The following DRC1 variants were observed in gnomAD, a reference collection of about 807,000 sequenced individuals.
The protein encoded by DRC1 is dynein regulatory complex subunit 1.
Under a neutral mutation model 98.7 loss-of-function variants are expected in DRC1, and 74 were observed. The ratio of observed to expected loss-of-function variants is 0.75; its 90% CI spans 0.62 to 0.91. The LOEUF is 0.91. DRC1 is among the 40% of genes least tolerant of loss of function. DRC1 has a pLI of 0.00. For missense variants in DRC1, 875 were observed against 886.0 expected (o/e 0.99, Z 0.16); for synonymous variants, 336 against 334.1 (o/e 1.01, Z -0.06).
rs749731853 is a variant in DRC1, at chr2:26,402,049, C to A, written c.60C>A (p.Thr20=). 3 of 1,613,304 alleles carry A rather than the reference C, an allele frequency of 1.9e-6. No individual in the cohort carries two copies. Among genetic ancestry groups the A allele is most frequent in the Non-Finnish European group, 2.5e-6 (3 of 1,179,806 alleles). Residue 20 remains threonine, a synonymous_variant, in exon 1 of 17, where the codon ACC becomes ACA. Coordinates refer to ENST00000288710, the MANE Select transcript of DRC1 (RefSeq NM_145038.5). ...LDPNVDEHLS[T]QILAPSVHSD... ...CGAACGTGGACGAGCACTTGTCCACCCAGATTCTCGCGCCCTCGGTCCACT... is the reference window on the plus strand; with the variant it reads ...CGAACGTGGACGAGCACTTGTCCACACAGATTCTCGCGCCCTCGGTCCACT...
Position 26,439,922 on chromosome 2 carries a change from A to AATATATATAT in DRC1, c.889-450_889-441dup, listed in dbSNP as rs60317791. Among the ~76,000 whole-genome samples the AATATATATAT allele has an allele frequency of 4.9e-3, 211 of 43,446 alleles. 32 individuals carry two copies. The highest frequency in any genetic ancestry group is 0.011 in the African/African-American group (140 of 13,110). The allele number at this position is 43,446 out of a possible 152,430, so 28.5% of individuals were successfully genotyped here. A position where few individuals can be genotyped will look rare whatever the true frequency, so the allele number is the denominator to read the frequency against. On this transcript the variant is annotated intron_variant, in intron 7 of 16. Transcript: ENST00000288710. Reference sequence around the variant, plus strand: ...ACAAGCTAGGGCCAACTAGTGTGTGAATATATATATATATACACACACACA... The same window carrying AATATATATAT: ...ACAAGCTAGGGCCAACTAGTGTGTGAATATATATATATATATATATATATACACACACACA...
At chr2:26,442,539 A>T (rs958865772) in intron 8 of DRC1, among the ~76,000 whole-genome samples, 13 of 152,294 alleles carry the variant, frequency 8.5e-5, no homozygotes, top group African/African-American at 3.1e-4. Flanking sequence ...AATCTAGAAA[A>T]TCCAGGCCTT....
rs544363279 is a variant in DRC1, at chr2:26,444,717, C to T, written c.1165C>T (p.His389Tyr). ...QFKELQKAMR[H>Y]FALIDDEKFW... is the part of the protein sequence containing the mutation. ...ATGCTCTGTGACTCTCCTTCACAGG[C>T]ATTTTGCTCTTATTGATGATGAGAA... is the stretch of plus-strand genomic sequence containing the variant. The change falls in exon 10 of 17, where the codon CAT (histidine) becomes TAT (tyrosine). Residue 389 changes from histidine (H) to tyrosine (Y), a missense_variant and splice_region_variant. By Grantham distance (83) the His-to-Tyr change is moderately conservative. Transcript: ENST00000288710. 1.2e-6 allele frequency: 2 copies of T among 1,613,998 alleles called. No homozygotes were observed. The highest frequency in any genetic ancestry group is 2.7e-5 in the African/African-American group (2 of 75,044).
intron 10 of DRC1, among the ~76,000 whole-genome samples, chr2:26,446,334 C>A (rs551899808): frequency 6.6e-6 from 1 of 151,738 alleles, no homozygotes; most frequent in Non-Finnish European, 1.5e-5. Context: ...TGGGCTCAAG[C>A]GATTCCTTCC....
intron 4 of DRC1, among the ~76,000 whole-genome samples, chr2:26,425,718 T>C (rs528659360): frequency 1.3e-5 from 2 of 152,240 alleles, no homozygotes; most frequent in Non-Finnish European, 2.9e-5. Context: ...TTGTATATCA[T>C]CTTTGGAGAA....
In DRC1 at chr2:26,421,362, T is replaced by C. The variant is rs752358195; in HGVS notation, c.318T>C (p.Ile106=). The C allele has an allele frequency of 1.2e-6, 2 of 1,613,586 alleles. No homozygotes were observed. The highest frequency in any genetic ancestry group is 4.5e-5 in the East Asian group (2 of 44,848). ...AGGTGGCTATAGATATCAGAGAGAT[T>C]CACAGGAGAGTCGAAGAAGAGGAGA... ...NIQVAIDIRE[I]HRRVEEEEIK... The change falls in exon 3 of 17, where the codon ATT becomes ATC. Residue 106 remains isoleucine, a synonymous_variant. Transcript: ENST00000288710.
At chr2:26,406,080 C>T (rs774622362) in intron 1 of DRC1, among the ~76,000 whole-genome samples, 3 of 152,126 alleles carry the variant, frequency 2.0e-5, no homozygotes, top group Non-Finnish European at 2.9e-5. Context: ...AGCCTGGAAG[C>T]TCCCTGAATT....
In DRC1 at chr2:26,456,528, CAAAGGCTGAT is replaced by C; in HGVS notation, c.*12_*21del. The C allele has an allele frequency of 6.2e-7, 1 of 1,614,100 alleles. No individual in the cohort carries two copies. Among genetic ancestry groups the C allele is most frequent in the South Asian group, 1.1e-5 (1 of 91,052 alleles). On this transcript the variant is annotated 3_prime_UTR_variant, in exon 17 of 17. Transcript: ENST00000288710. The stretch of plus-strand genomic sequence containing the variant: ...GTACCCACAAAATGAGCTGGACCGC[CAAAGGCTGAT>C]GTGTTAGGGCTGGCCTGATGCTGGT...
intron 1 of DRC1, among the ~76,000 whole-genome samples, chr2:26,403,554 G>A (rs1016151511): frequency 6.6e-6 from 1 of 152,082 alleles, no homozygotes; most frequent in African/African-American, 2.4e-5. Flanking sequence ...CAGCACTTTG[G>A]GAGGCCAAGG....
At chr2:26,452,837 A>G (rs896653825) in intron 13 of DRC1, among the ~76,000 whole-genome samples, 1 of 152,224 alleles carries the variant, frequency 6.6e-6, no homozygotes, top group African/African-American at 2.4e-5. Flanking sequence ...AAGGAGGAGT[A>G]TATATGGAAA....
At chr2:26,449,751 A>T (rs1663950561) in intron 11 of DRC1, among the ~76,000 whole-genome samples, 1 of 151,998 alleles carries the variant, frequency 6.6e-6, no homozygotes, top group Non-Finnish European at 1.5e-5. Flanking sequence ...GGGTGGGAAA[A>T]GCTAAGTCTG....
intron 8 of DRC1, among the ~76,000 whole-genome samples, chr2:26,443,596 C>T (rs1458671181): frequency 2.0e-5 from 3 of 152,304 alleles, no homozygotes; most frequent in Middle Eastern, 6.8e-3. Context: ...TTTGACTAGA[C>T]TGATAGTACC....
intron 2 of DRC1, among the ~76,000 whole-genome samples, chr2:26,415,935 CAAAAAAAAAAA>C (rs59566642): frequency 1.0e-5 from 1 of 98,384 alleles, no homozygotes; most frequent in Non-Finnish European, 2.2e-5. Context: ...CTTTCTCTTT[CAAAAAAAAAAA>C]AAAAAAAAAA....
chr2:26,431,736 T>C (rs1002591365), intron 6 of DRC1, 148 bp from the exon 7 acceptor site: 3 of 1,247,950 alleles, frequency 2.4e-6, no homozygotes, highest in East Asian at 2.4e-5. Flanking sequence ...AAGCCTTGGG[T>C]ATTCAGGACT....
Position 26,406,925 on chromosome 2 carries a change from C to T in DRC1, c.155+4781C>T, listed in dbSNP as rs1181226670. On this transcript the variant is annotated intron_variant, in intron 1 of 16. Transcript: ENST00000288710. ...TTCCACCAGCTAGACTCAAGTGATC[C>T]CCCCCACCCCAGCCTCTCGAGTAGC... 1.3e-5 allele frequency among the ~76,000 whole-genome samples: 2 copies of T among 148,762 alleles called. 1 individual carries two copies. The highest frequency in any genetic ancestry group is 3.9e-4 in the East Asian group (2 of 5,108).
At chr2:26,439,748 T>A (rs994567887) in intron 7 of DRC1, among the ~76,000 whole-genome samples, 2 of 151,466 alleles carry the variant, frequency 1.3e-5, no homozygotes, top group Non-Finnish European at 2.9e-5. Context: ...AGGCTTTAGG[T>A]ACACAGATTT....
At position 26,444,737 on chromosome 2, in the gene DRC1, T is replaced by C; in HGVS notation, c.1185T>C (p.Asp395=). The stretch of plus-strand genomic sequence containing the variant: ...ACAGGCATTTTGCTCTTATTGATGA[T>C]GAGAAGTTTTGGGAGATTTGGCTGA... ...KAMRHFALID[D]EKFWEIWLMN... Residue 395 remains aspartate, a synonymous_variant, in exon 10 of 17, where the codon GAT becomes GAC. Coordinates refer to ENST00000288710, the MANE Select transcript of DRC1 (RefSeq NM_145038.5). The C allele has an allele frequency of 1.2e-6, 2 of 1,614,120 alleles. No individual in the cohort carries two copies. Among genetic ancestry groups the C allele is most frequent in the South Asian group, 1.1e-5 (1 of 91,064 alleles).
intron 1 of DRC1, 104 bp from the exon 2 acceptor site, chr2:26,414,240 C>T: frequency 8.7e-7 from 1 of 1,145,298 alleles, no homozygotes; most frequent in Non-Finnish European, 1.2e-6. Context: ...GTCTCCCAAA[C>T]TGTTGGGATT....
At chr2:26,424,556 T>C (rs1156373767) in intron 4 of DRC1, 102 bp downstream of exon 4, 5 of 1,196,916 alleles carry the variant, frequency 4.2e-6, no homozygotes, top group Non-Finnish European at 5.8e-6. Context: ...AGAAACCTTT[T>C]ACTTCATTAT....
Sources: allele counts gnomAD v4.1 joint callset (sites outside exome capture counted in the v4.1 genomes callset), GRCh38; gene constraint gnomAD v4.1.1; transcripts MANE v1.5; gene names NCBI Gene and HGNC (gene_info 2026-07-23, HGNC 2026-07-21).